Variants in QRICH1 observed in about 807,000 individuals in gnomAD.
QRICH1 encodes glutamine rich 1.
Under a neutral mutation model 87.1 loss-of-function variants are expected in QRICH1, and 16 were observed. The observed-to-expected ratio is 0.18, with a 90% CI of 0.12 to 0.28. QRICH1 has a LOEUF of 0.28. QRICH1 is among the 10% of genes least tolerant of loss of function. The pLI, the probability that QRICH1 is intolerant of heterozygous loss-of-function variation, is 1.00. For synonymous variants in QRICH1, 367 were observed against 368.4 expected (o/e 1.00, Z 0.05); for missense variants, 647 against 951.7 (o/e 0.68, Z 4.21).
chr3:49,068,679 A>C (rs1289494745), intron 2 of QRICH1, among the ~76,000 whole-genome samples: 3 of 151,204 alleles, frequency 2.0e-5, no homozygotes, highest in African/African-American at 7.3e-5. Flanking sequence ...CCCAGGCTAG[A>C]GTGCAGTGGC....
chr3:49,063,536 C>T lies in QRICH1; in HGVS notation c.310-5646G>A, dbSNP rs1322290590. 3.3e-5 allele frequency among the ~76,000 whole-genome samples: 5 copies of T among 152,190 alleles called. No individual in the cohort carries two copies. The South Asian group carries it at 8.3e-4, about 25-fold the overall frequency. On this transcript the variant is annotated intron_variant, in intron 2 of 9. Transcript: ENST00000395443. ...TGGGCATCGTGGTCATGCCTGTAAT[C>T]CCAGCACTTTGGGAGGCCAAGGCAG... is the stretch of plus-strand genomic sequence containing the variant.
chr3:49,059,138 T>C (rs1421822278), intron 2 of QRICH1, among the ~76,000 whole-genome samples: 1 of 150,968 alleles, frequency 6.6e-6, no homozygotes, highest in Admixed American at 6.6e-5. Flanking sequence ...ATTTTTTTTT[T>C]GTATTTTTAG....
intron 1 of QRICH1, among the ~76,000 whole-genome samples, chr3:49,088,874 T>C (rs993432956): frequency 1.3e-4 from 20 of 151,886 alleles, no homozygotes; most frequent in Non-Finnish European, 2.2e-4. Context: ...TCCTCCCACC[T>C]TGGCCTCCCA....
At chr3:49,039,228 A>G (rs1277246416) in intron 6 of QRICH1, among the ~76,000 whole-genome samples, 1 of 151,266 alleles carries the variant, frequency 6.6e-6, no homozygotes, top group Admixed American at 6.6e-5. Context: ...GTTGTGGCAC[A>G]TGCCTGTAAT....
chr3:49,056,928 C>G lies in QRICH1; in HGVS notation c.1272G>C (p.Gln424His). ...HIWDPQQQPQ[Q>H]QTPQEQTPPP... ...GTGGTGTCTGTTCCTGGGGAGTTTG[C>G]TGCTGCGGCTGCTGTTGGGGGTCCC... Residue 424 changes from glutamine to histidine, a missense_variant, in exon 3 of 10, where the codon CAG (glutamine) becomes CAC (histidine). By Grantham distance (24) the Gln-to-His change is conservative. Transcript: ENST00000395443. 1 of 1,614,100 alleles carries G rather than the reference C, an allele frequency of 6.2e-7. No homozygotes were observed. Among genetic ancestry groups the G allele is most frequent in the East Asian group, 2.2e-5 (1 of 44,874 alleles).
chr3:49,058,139 G>C, intron 2 of QRICH1: 1 of 590,974 alleles, frequency 1.7e-6, no homozygotes. Flanking sequence ...GCCTAAAAAG[G>C]AAATACCAAA....
Position 49,043,266 on chromosome 3 carries a change from T to A in QRICH1, c.1786+1124A>T, listed in dbSNP as rs568587676. Reference sequence around the variant, plus strand: ...AATCCCAGCATTTGGGAGGCCGAGGTGGGCGGATCACCTGAGGTCAGGAGT... The same window carrying A: ...AATCCCAGCATTTGGGAGGCCGAGGAGGGCGGATCACCTGAGGTCAGGAGT... On this transcript the variant is annotated intron_variant, in intron 6 of 9. Coordinates refer to ENST00000395443, the MANE Select transcript of QRICH1 (RefSeq NM_198880.3). Among the ~76,000 whole-genome samples, 15 of 151,132 alleles carry A rather than the reference T, an allele frequency of 9.9e-5. No individual in the cohort carries two copies. The South Asian group carries it at 2.9e-3, about 30-fold the overall frequency.
In QRICH1 at chr3:49,029,898, A is replaced by C. The variant is rs963142725; in HGVS notation, c.*554T>G. ...AAGGCATGGTAAAGTTTTTACTTTT[A>C]CATCTAAAATGTCACTTGTCATAAA... On this transcript the variant is annotated 3_prime_UTR_variant, in exon 10 of 10. Coordinates refer to ENST00000395443, the MANE Select transcript of QRICH1 (RefSeq NM_198880.3). The C allele has an allele frequency of 1.8e-5, 3 of 170,498 alleles. No individual in the cohort carries two copies. In the South Asian group the frequency reaches 4.0e-4, roughly 23 times the overall value. The allele number at this position is 170,498 out of a possible 1,614,324, so 10.6% of individuals were successfully genotyped here. A position where few individuals can be genotyped will look rare whatever the true frequency, so the allele number is the denominator to read the frequency against.
chr3:49,052,630 A>T (rs2093377703), intron 3 of QRICH1, among the ~76,000 whole-genome samples: 2 of 152,036 alleles, frequency 1.3e-5, no homozygotes. Context: ...TCAGCCTCCC[A>T]GGTAGCTGGC....
chr3:49,080,990 A>G (rs963624114), intron 1 of QRICH1, among the ~76,000 whole-genome samples: 1 of 149,440 alleles, frequency 6.7e-6, no homozygotes, highest in African/African-American at 2.4e-5. Flanking sequence ...AAAAAAAAAA[A>G]AAGCCTAAAA....
intron 2 of QRICH1, among the ~76,000 whole-genome samples, chr3:49,061,134 T>TAAAAAAAAAAAA (rs57557768): frequency 2.5e-5 from 1 of 39,720 alleles, no homozygotes; most frequent in African/African-American, 1.1e-4. Context: ...GCCTCCATCT[T>TAAAAAAAAAAAA]AAAAAAAAAA....
At chr3:49,033,465 C>A in intron 6 of QRICH1, 1 of 352,124 alleles carries the variant, frequency 2.8e-6, no homozygotes, top group Non-Finnish European at 5.1e-6. Context: ...TTGAGAACCA[C>A]AGCCTTACAT....
chr3:49,090,388 GGT>G (rs1449297413), intron 1 of QRICH1, among the ~76,000 whole-genome samples: 4 of 151,944 alleles, frequency 2.6e-5, no homozygotes, highest in African/African-American at 9.7e-5. Flanking sequence ...GAACCCAGAA[GGT>G]GGAGCTTGCA....
Position 49,056,926 on chromosome 3 carries a change from T to C in QRICH1, c.1274A>G (p.Gln425Arg), listed in dbSNP as rs377271134. The C allele has an allele frequency of 2.5e-5, 40 of 1,614,058 alleles. No homozygotes were observed. The highest frequency in any genetic ancestry group is 3.3e-5 in the Non-Finnish European group (39 of 1,180,032). ...IWDPQQQPQQ[Q>R]TPQEQTPPPQ... Reference sequence around the variant, plus strand: ...TGGTGGTGTCTGTTCCTGGGGAGTTTGCTGCTGCGGCTGCTGTTGGGGGTC... The same window carrying C: ...TGGTGGTGTCTGTTCCTGGGGAGTTCGCTGCTGCGGCTGCTGTTGGGGGTC... Residue 425 changes from glutamine to arginine, a missense_variant, in exon 3 of 10, where the codon CAA becomes CGA. Transcript: ENST00000395443.
intron 3 of QRICH1, among the ~76,000 whole-genome samples, chr3:49,050,422 C>CAAAAAAA (rs552220438): frequency 1.7e-5 from 1 of 58,614 alleles, no homozygotes; most frequent in Non-Finnish European, 2.9e-5. Flanking sequence ...GACTCTGTCT[C>CAAAAAAA]AAAAAAAAAA....
At chr3:49,046,648 C>T (rs2093341030) in intron 4 of QRICH1, 69 bp from the exon 5 acceptor site, 1 of 1,520,480 alleles carries the variant, frequency 6.6e-7, no homozygotes, top group South Asian at 1.2e-5. Context: ...AGAACAGATA[C>T]TGCCCATCAG....
Position 49,056,869 on chromosome 3 carries a change from G to C in QRICH1, c.1331C>G (p.Thr444Ser). Residue 444 changes from threonine to serine, a missense_variant, in exon 3 of 10, where the codon ACT (threonine) becomes AGT (serine). Thr to Ser is a moderately conservative substitution (Grantham distance 58). Coordinates refer to ENST00000395443, the MANE Select transcript of QRICH1 (RefSeq NM_198880.3). ...TGATAAGTCTTCACTTACTGAACAA[G>C]TAACTTGGAGTTGCTGCTGCTGCTG... ...PQQQQQQLQV[T>S]CSAQTVQVAE... 2 of 1,614,190 alleles carry C rather than the reference G, an allele frequency of 1.2e-6. No individual in the cohort carries two copies. The highest frequency in any genetic ancestry group is 2.2e-5 in the East Asian group (1 of 44,886).
At chr3:49,058,024 GAGA>G (rs1472064845) in intron 2 of QRICH1, 134 bp from the exon 3 acceptor site, 15 of 1,471,114 alleles carry the variant, frequency 1.0e-5, no homozygotes, top group African/African-American at 4.2e-5. Context: ...CAAGGCTTCT[GAGA>G]AGGACACAAT....
At chr3:49,046,339 T>C in intron 5 of QRICH1, 86 bp downstream of exon 5, 1 of 1,375,516 alleles carries the variant, frequency 7.3e-7, no homozygotes, top group African/African-American at 1.5e-5. Flanking sequence ...TATTTTAACT[T>C]CTTGCTTATC....
Sources: allele counts gnomAD v4.1 joint callset (sites outside exome capture counted in the v4.1 genomes callset), GRCh38; gene constraint gnomAD v4.1.1; transcripts MANE v1.5; gene names NCBI Gene and HGNC (gene_info 2026-07-23, HGNC 2026-07-21).